Variants in GULP1 observed in about 807,000 individuals in gnomAD.
The protein encoded by GULP1 is PTB domain-containing engulfment adapter protein 1.
GULP1 carries 19 observed loss-of-function variants against 40.9 expected under a neutral mutation model. The ratio of observed to expected loss-of-function variants is 0.46; its 90% CI spans 0.32 to 0.68. The LOEUF is 0.68. Among genes scored for constraint, GULP1 ranks in the 30% least tolerant of loss-of-function variants. GULP1 has a pLI of 0.03. For missense variants in GULP1, 312 were observed against 362.2 expected (o/e 0.86, Z 1.12); for synonymous variants, 119 against 117.6 (o/e 1.01, Z -0.08).
intron 2 of GULP1, among the ~76,000 whole-genome samples, chr2:188,395,748 C>A (rs1380840352): frequency 1.3e-5 from 2 of 152,132 alleles, no homozygotes; most frequent in African/African-American, 4.8e-5. Context: ...AGTCTAGCCA[C>A]CCAATGGGGC....
At chr2:188,412,581 G>C (rs574635625) in intron 2 of GULP1, among the ~76,000 whole-genome samples, 2 of 152,066 alleles carry the variant, frequency 1.3e-5, no homozygotes, top group Non-Finnish European at 2.9e-5. Flanking sequence ...ATGAGATTTG[G>C]GTGGGGACAC....
At chr2:188,350,370 C>T (rs2044284444) in intron 1 of GULP1, among the ~76,000 whole-genome samples, 1 of 152,052 alleles carries the variant, frequency 6.6e-6, no homozygotes, top group South Asian at 2.1e-4. Context: ...TTTCTTTCAA[C>T]AATGTGTTTT....
chr2:188,302,780 C>T (rs1427711802), intron 1 of GULP1, among the ~76,000 whole-genome samples: 1 of 152,136 alleles, frequency 6.6e-6, no homozygotes, highest in Non-Finnish European at 1.5e-5. Flanking sequence ...TGGCCATCCT[C>T]AATATTTGAC....
chr2:188,525,542 A>G (rs1685946594), intron 5 of GULP1, among the ~76,000 whole-genome samples: 1 of 152,204 alleles, frequency 6.6e-6, no homozygotes. Context: ...TATTAATACA[A>G]CTAGTACAGA....
At chr2:188,545,558 A>G (rs545261882) in intron 7 of GULP1, among the ~76,000 whole-genome samples, 26 of 152,088 alleles carry the variant, frequency 1.7e-4, no homozygotes, top group Non-Finnish European at 2.4e-4. Context: ...TGTGAATCCA[A>G]TAACAACCAT....
chr2:188,344,766 T>C (rs2043400501), intron 1 of GULP1, among the ~76,000 whole-genome samples: 1 of 152,174 alleles, frequency 6.6e-6, no homozygotes, highest in Admixed American at 6.5e-5. Context: ...TGATTGTAGA[T>C]GTGACACTCT....
chr2:188,559,340 C>G (rs1204498589), intron 7 of GULP1, among the ~76,000 whole-genome samples: 1 of 152,166 alleles, frequency 6.6e-6, no homozygotes, highest in Admixed American at 6.5e-5. Flanking sequence ...CGTTTTGGAC[C>G]TCCACAGAAG....
intron 2 of GULP1, among the ~76,000 whole-genome samples, chr2:188,473,434 C>T (rs2060757268): frequency 6.6e-6 from 1 of 152,184 alleles, no homozygotes; most frequent in Middle Eastern, 3.2e-3. Context: ...AGAGTCAAAA[C>T]CACTTAGAAG....
intron 1 of GULP1, among the ~76,000 whole-genome samples, chr2:188,322,678 G>A (rs755473751): frequency 6.6e-6 from 1 of 152,006 alleles, no homozygotes; most frequent in Non-Finnish European, 1.5e-5. Context: ...ACAGTTTCTT[G>A]TGCCACTCTC....
At chr2:188,515,203 A>G (rs1263212160) in intron 4 of GULP1, among the ~76,000 whole-genome samples, 4 of 151,996 alleles carry the variant, frequency 2.6e-5, no homozygotes, top group Non-Finnish European at 5.9e-5. Context: ...TATTTGCTAT[A>G]TCTGGCAACC....
chr2:188,327,293 T>G (rs1322082960), intron 1 of GULP1, among the ~76,000 whole-genome samples: 2 of 152,176 alleles, frequency 1.3e-5, no homozygotes, highest in African/African-American at 2.4e-5. Context: ...TTTCACAAGT[T>G]TTCATCATTT....
At chr2:188,312,967 TTTG>T (rs1236180495) in intron 1 of GULP1, among the ~76,000 whole-genome samples, 1 of 113,580 alleles carries the variant, frequency 8.8e-6, no homozygotes, top group South Asian at 2.8e-4. Flanking sequence ...GATGGGGTTG[TTTG>T]TTTTTTTCCT....
At chr2:188,432,761 A>G (rs1419132043) in intron 2 of GULP1, among the ~76,000 whole-genome samples, 2 of 152,170 alleles carry the variant, frequency 1.3e-5, no homozygotes, top group Non-Finnish European at 2.9e-5. Flanking sequence ...CTTAAATCAC[A>G]TAAACTTGAA....
At chr2:188,376,023 A>G (rs2048254467) in intron 1 of GULP1, among the ~76,000 whole-genome samples, 1 of 152,148 alleles carries the variant, frequency 6.6e-6, no homozygotes, top group African/African-American at 2.4e-5. Context: ...TGTGAATACC[A>G]GTACTTTCCA....
Position 188,548,730 on chromosome 2 carries a change from A to G in GULP1, c.399+7412A>G, listed in dbSNP as rs867280926. Among the ~76,000 whole-genome samples the G allele has an allele frequency of 9.2e-5, 14 of 151,964 alleles. No individual in the cohort carries two copies. In the South Asian group the frequency reaches 1.5e-3, roughly 16 times the overall value. On this transcript the variant is annotated intron_variant, in intron 7 of 11. Transcript: ENST00000409830. ...TTTAGTTTTGGTGGAGGGAAAGACA[A>G]TAGGTCAATGGAAGAGTGAACATAT...
intron 6 of GULP1, among the ~76,000 whole-genome samples, chr2:188,529,639 A>G (rs1354689122): frequency 4.6e-5 from 7 of 152,194 alleles, no homozygotes; most frequent in African/African-American, 1.7e-4. Context: ...CTTAAACAGC[A>G]GAAAATATTT....
At chr2:188,399,716 A>G (rs770396716) in intron 2 of GULP1, among the ~76,000 whole-genome samples, 5 of 146,054 alleles carry the variant, frequency 3.4e-5, no homozygotes, top group African/African-American at 1.0e-4. Context: ...AAAAAAAAAC[A>G]TCAAACTGTA....
intron 4 of GULP1, among the ~76,000 whole-genome samples, chr2:188,495,212 G>A (rs2062787194): frequency 6.6e-6 from 1 of 152,018 alleles, no homozygotes. Context: ...GTCCATCTGA[G>A]GAAATGTAAA....
At chr2:188,522,580 A>T (rs1370784296) in intron 4 of GULP1, among the ~76,000 whole-genome samples, 176 bp from the exon 5 acceptor site, 1 of 151,798 alleles carries the variant, frequency 6.6e-6, no homozygotes, top group Admixed American at 6.6e-5. Flanking sequence ...TATAAATGAT[A>T]AAGTTTAGTT....
Sources: gnomAD v4.1 joint callset for allele counts (sites outside exome capture counted in the v4.1 genomes callset) on GRCh38, gnomAD v4.1.1 for gene constraint, MANE v1.5 for transcripts, NCBI Gene and HGNC (gene_info 2026-07-23, HGNC 2026-07-21) for gene names.